PSMA1: variants seen among roughly 807,000 people sequenced by gnomAD.
PSMA1 encodes proteasome 20S subunit alpha 1, also known as proteasome subunit alpha type-1.
Under a neutral mutation model 38.4 loss-of-function variants are expected in PSMA1, and 3 were observed. The observed-to-expected ratio is 0.08, with a 90% CI of 0.04 to 0.20. PSMA1 has a LOEUF of 0.20. Ranked by LOEUF, PSMA1 falls within the 10% of genes least tolerant of loss-of-function variation. The pLI, the probability that PSMA1 is intolerant of heterozygous loss-of-function variation, is 1.00. For missense variants in PSMA1, 227 were observed against 325.3 expected (o/e 0.70, Z 2.32); for synonymous variants, 101 against 107.1 (o/e 0.94, Z 0.35).
At chr11:14,573,103 C>T (rs1405767020) in intron 2 of PSMA1, among the ~76,000 whole-genome samples, 1 of 152,192 alleles carries the variant, frequency 6.6e-6, no homozygotes, top group Non-Finnish European at 1.5e-5. Flanking sequence ...GGAGCTGGTA[C>T]CATTCCTTCT....
intron 8 of PSMA1, among the ~76,000 whole-genome samples, chr11:14,509,129 C>T (rs900485420): frequency 3.3e-5 from 5 of 152,164 alleles, no homozygotes; most frequent in African/African-American, 7.2e-5. Flanking sequence ...TACTCTGTAC[C>T]GTCAATTAGA....
At chr11:14,525,390 C>T (rs1404422721) in intron 2 of PSMA1, among the ~76,000 whole-genome samples, 2 of 152,098 alleles carry the variant, frequency 1.3e-5, no homozygotes, top group Non-Finnish European at 2.9e-5. Flanking sequence ...GGCGACCGAT[C>T]ATGCACCCCT....
At chr11:14,507,290 C>A (rs556876266) in intron 9 of PSMA1, among the ~76,000 whole-genome samples, 107 of 152,072 alleles carry the variant, frequency 7.0e-4, no homozygotes, top group African/African-American at 2.4e-3. Context: ...TGCCTCACCT[C>A]CTGAGTAGCT....
chr11:14,524,702 C>T (rs560221970), upstream of PSMA1, among the ~76,000 whole-genome samples: 1 of 152,306 alleles, frequency 6.6e-6, no homozygotes, highest in South Asian at 2.1e-4. Context: ...CATTTGGTGC[C>T]GAAGACCCGG....
intron 1 of PSMA1, among the ~76,000 whole-genome samples, chr11:14,627,827 T>C (rs1249273218): frequency 1.3e-5 from 2 of 152,208 alleles, no homozygotes; most frequent in Admixed American, 6.5e-5. Flanking sequence ...TGCAATGCCA[T>C]CCTCTCTTAT....
intron 1 of PSMA1, among the ~76,000 whole-genome samples, chr11:14,633,449 C>A (rs372575124): frequency 6.6e-6 from 1 of 152,008 alleles, no homozygotes; most frequent in South Asian, 2.1e-4. Context: ...TTAGGCTGCT[C>A]GGGGGTCAGG....
upstream of PSMA1, among the ~76,000 whole-genome samples, chr11:14,525,109 G>A (rs190911016): frequency 2.0e-5 from 3 of 151,840 alleles, no homozygotes; most frequent in Non-Finnish European, 1.5e-5. Context: ...TGTGGGTATT[G>A]ACGGCCAGGC....
rs868418656 is a variant in PSMA1 at position 14,599,153 on chromosome 11, C to T, written c.21+11813G>A. 2.0e-5 allele frequency among the ~76,000 whole-genome samples: 3 copies of T among 152,322 alleles called. No individual in the cohort carries two copies. The East Asian group carries it at 5.8e-4, about 29-fold the overall frequency. ...CCTTTGTGGGTAACCCAACCTTTCTCTCTGGCTGCACTTAACATTTTTTCC... is the reference window on the plus strand; with the variant it reads ...CCTTTGTGGGTAACCCAACCTTTCTTTCTGGCTGCACTTAACATTTTTTCC... On this transcript the variant is annotated intron_variant, in intron 2 of 10. Coordinates refer to the PSMA1 transcript ENST00000418988.
chr11:14,558,132 C>T (rs1164425263), intron 2 of PSMA1, among the ~76,000 whole-genome samples: 2 of 151,378 alleles, frequency 1.3e-5, no homozygotes, highest in African/African-American at 2.4e-5. Flanking sequence ...TCACAATCTA[C>T]CTTGGCATGG....
intron 2 of PSMA1, among the ~76,000 whole-genome samples, chr11:14,569,623 T>G (rs1589995193): frequency 2.6e-5 from 4 of 152,190 alleles, no homozygotes; most frequent in African/African-American, 9.6e-5. Context: ...AGCACAGCAG[T>G]CTGAGATCAA....
At chr11:14,599,289 TG>T (rs1476520762) in intron 2 of PSMA1, among the ~76,000 whole-genome samples, 1 of 152,194 alleles carries the variant, frequency 6.6e-6, no homozygotes, top group Non-Finnish European at 1.5e-5. Context: ...TGGCCTGCCT[TG>T]CTAGGTTGGG....
intron 1 of PSMA1, among the ~76,000 whole-genome samples, chr11:14,632,073 AT>A (rs1853024718): frequency 7.2e-6 from 1 of 138,594 alleles, no homozygotes; most frequent in East Asian, 2.1e-4. Flanking sequence ...TGCACATGAG[AT>A]GGGTTTCCTG....
At position 14,504,905 on chromosome 11, in the gene PSMA1, A is replaced by G. The variant is rs1395376246; in HGVS notation, c.*287T>C. ...AGGCGGTGAAACAATTTTATTTCAC[A>G]GTTGTCTTTAAAACCACAAAGACAC... On this transcript the variant is annotated 3_prime_UTR_variant, in exon 10 of 10. Transcript: ENST00000396394. 3.3e-6 allele frequency: 1 copy of G among 300,686 alleles called. No homozygotes were observed. Among genetic ancestry groups the G allele is most frequent in the Non-Finnish European group, 6.1e-6 (1 of 162,848 alleles). 18.6% of individuals were successfully genotyped at this position (300,686 alleles called of 1,614,324 possible). A position where few individuals can be genotyped will look rare whatever the true frequency, so the allele number is the denominator to read the frequency against.
At chr11:14,568,606 C>T (rs1852101180) in intron 2 of PSMA1, among the ~76,000 whole-genome samples, 1 of 152,226 alleles carries the variant, frequency 6.6e-6, no homozygotes, top group Non-Finnish European at 1.5e-5. Context: ...AAATCTTTAT[C>T]TTCCTTGCAA....
intron 2 of PSMA1, among the ~76,000 whole-genome samples, chr11:14,532,905 T>TAAAAAAAAAAAAAAAAAAAAA (rs1045512634): frequency 1.3e-5 from 2 of 150,524 alleles, no homozygotes; most frequent in African/African-American, 5.0e-5. Context: ...AAAAAAAATT[T>TAAAAAAAAAAAAAAAAAAAAA]AAAAAAAATC....
chr11:14,557,250 T>C (rs1044571649), intron 2 of PSMA1, among the ~76,000 whole-genome samples: 4 of 152,180 alleles, frequency 2.6e-5, no homozygotes, highest in Admixed American at 6.5e-5. Context: ...TAATTTTTCT[T>C]TTTTTTGAGA....
intron 2 of PSMA1, among the ~76,000 whole-genome samples, chr11:14,580,043 G>A (rs1253740909): frequency 2.6e-5 from 4 of 152,128 alleles, no homozygotes; most frequent in African/African-American, 9.7e-5. Context: ...CAAAGAGCAG[G>A]GCTGGAAAGA....
At chr11:14,510,786 A>C in intron 8 of PSMA1, 86 bp downstream of exon 8, 1 of 841,442 alleles carries the variant, frequency 1.2e-6, no homozygotes, top group Non-Finnish European at 1.8e-6. Context: ...AAATTACAGA[A>C]TGTTGCATAT....
chr11:14,590,535 GACT>G (rs1852400636), intron 2 of PSMA1, among the ~76,000 whole-genome samples: 2 of 152,164 alleles, frequency 1.3e-5, no homozygotes, highest in African/African-American at 2.4e-5. Flanking sequence ...ACATCAGTGG[GACT>G]AATGAACAGG....
Sources: allele counts gnomAD v4.1 joint callset (sites outside exome capture counted in the v4.1 genomes callset), GRCh38; gene constraint gnomAD v4.1.1; transcripts MANE v1.5; gene names NCBI Gene and HGNC (gene_info 2026-07-23, HGNC 2026-07-21).